UBE2E2: variants seen among roughly 807,000 people sequenced by gnomAD.
The protein encoded by UBE2E2 is ubiquitin-conjugating enzyme E2 E2.
A neutral mutation model predicts 24.7 loss-of-function variants in UBE2E2; 6 were observed. That is an observed-to-expected ratio of 0.24 (90% CI 0.13 to 0.48). The LOEUF is 0.48. UBE2E2 is among the 20% of genes least tolerant of loss of function. The probability of loss-of-function intolerance (pLI) is 0.99; values close to 1 mark genes in which losing one functional copy is unlikely to be tolerated. For synonymous variants in UBE2E2, 104 were observed against 83.6 expected, an observed-to-expected ratio of 1.24 and a Z score of -1.33; for missense variants, 169 against 245.0, an observed-to-expected ratio of 0.69 and a Z score of 2.07.
chr3:23,341,055 A>G (rs1392578756), intron 3 of UBE2E2, among the ~76,000 whole-genome samples: 1 of 152,188 alleles, frequency 6.6e-6, no homozygotes. Context: ...TGAAATGCAG[A>G]CCATGGTTCC....
intron 3 of UBE2E2, among the ~76,000 whole-genome samples, chr3:23,410,682 A>G (rs563008802): frequency 1.3e-5 from 2 of 152,344 alleles, no homozygotes; most frequent in East Asian, 1.9e-4. Flanking sequence ...TAGAAGTAGT[A>G]TGAATCCTGT....
chr3:23,300,676 T>C (rs1457600164), intron 3 of UBE2E2, among the ~76,000 whole-genome samples: 2 of 152,246 alleles, frequency 1.3e-5, no homozygotes, highest in African/African-American at 2.4e-5. Flanking sequence ...TGGGCTTCCC[T>C]TTGTGGGTAA....
Position 23,589,629 on chromosome 3 carries a change from C to T in UBE2E2, c.509-105C>T, listed in dbSNP as rs938407836. 8.6e-7 allele frequency: 1 copy of T among 1,156,500 alleles called. No individual in the cohort carries two copies. The highest frequency in any genetic ancestry group is 1.5e-5 in the South Asian group (1 of 68,912). 71.6% of individuals were successfully genotyped at this position (1,156,500 alleles called of 1,614,324 possible). A position where few individuals can be genotyped will look rare whatever the true frequency, so the allele number is the denominator to read the frequency against. ...GCAGCAATGGTGGTCCAGGTTAGAA[C>T]AGCAGCTTCTCATCTCCTACCCTCC... On this transcript the variant is annotated intron_variant, in intron 5 of 5. Transcript: ENST00000396703. This position sits in a 1 kb window ranked among gnomAD's most constrained non-coding sequence, Gnocchi z 4.1.
chr3:23,328,533 T>G (rs1694969676), intron 3 of UBE2E2, among the ~76,000 whole-genome samples: 1 of 152,232 alleles, frequency 6.6e-6, no homozygotes, highest in African/African-American at 2.4e-5. Context: ...TTTAGTAGGT[T>G]AGGTATATAA....
intron 3 of UBE2E2, among the ~76,000 whole-genome samples, chr3:23,244,342 T>C (rs868342053): frequency 6.6e-6 from 1 of 152,114 alleles, no homozygotes; most frequent in Admixed American, 6.5e-5. Flanking sequence ...AAAGATAGAT[T>C]AGTGTCTAGC....
chr3:23,296,837 CT>C (rs1030414454), intron 3 of UBE2E2, among the ~76,000 whole-genome samples: 1 of 152,216 alleles, frequency 6.6e-6, no homozygotes, highest in Non-Finnish European at 1.5e-5. Context: ...AATGGGATGG[CT>C]GGGTCAAATG....
chr3:23,466,644 T>C (rs999401142), intron 3 of UBE2E2, among the ~76,000 whole-genome samples: 2 of 152,164 alleles, frequency 1.3e-5, no homozygotes, highest in South Asian at 4.1e-4. Flanking sequence ...CTCAGTTCAC[T>C]GCAACCTCCG....
chr3:23,522,403 A>G (rs1032383205), intron 4 of UBE2E2, among the ~76,000 whole-genome samples: 1 of 152,160 alleles, frequency 6.6e-6, no homozygotes, highest in South Asian at 2.1e-4. Flanking sequence ...AAGTGCTGGG[A>G]TTACAGGCGT....
chr3:23,234,040 G>T (rs1324759995), intron 3 of UBE2E2, among the ~76,000 whole-genome samples: 2 of 151,788 alleles, frequency 1.3e-5, no homozygotes, highest in African/African-American at 2.4e-5. Flanking sequence ...ATTATGTATT[G>T]GCCAGATGTA....
At chr3:23,525,702 G>A (rs1266096590) in intron 4 of UBE2E2, among the ~76,000 whole-genome samples, 1 of 152,176 alleles carries the variant, frequency 6.6e-6, no homozygotes, top group African/African-American at 2.4e-5. Flanking sequence ...CAATGGAAGT[G>A]CAGTTTGCTT....
chr3:23,214,851 T>A (rs1696431689), intron 2 of UBE2E2, among the ~76,000 whole-genome samples: 1 of 152,006 alleles, frequency 6.6e-6, no homozygotes, highest in Non-Finnish European at 1.5e-5. Context: ...CCAATTCCAT[T>A]CCCTTGAAGC....
At chr3:23,509,498 C>T (rs13072325) in intron 4 of UBE2E2, among the ~76,000 whole-genome samples, 11,016 of 152,158 alleles carry the variant, frequency 0.072, 518 homozygotes, top group Non-Finnish European at 0.089. Flanking sequence ...GGTCTGAGTT[C>T]ATTTCTGAGA....
intron 5 of UBE2E2, among the ~76,000 whole-genome samples, chr3:23,579,301 C>T (rs922711458): frequency 2.7e-5 from 4 of 150,692 alleles, no homozygotes; most frequent in East Asian, 2.0e-4. Context: ...AGGAGAATGG[C>T]GTGAACCCAG....
chr3:23,560,026 G>T (rs968034011), intron 5 of UBE2E2, among the ~76,000 whole-genome samples: 1 of 151,900 alleles, frequency 6.6e-6, no homozygotes, highest in Admixed American at 6.6e-5. Flanking sequence ...TTATTAATAT[G>T]GGGCTAGAAA....
At chr3:23,224,888 A>C (rs1250706572) in intron 3 of UBE2E2, among the ~76,000 whole-genome samples, 1 of 150,740 alleles carries the variant, frequency 6.6e-6, no homozygotes, top group Non-Finnish European at 1.5e-5. Flanking sequence ...TTATATAGTA[A>C]GTCTGTGTTT....
At chr3:23,337,069 A>G (rs1303888917) in intron 3 of UBE2E2, among the ~76,000 whole-genome samples, 1 of 151,602 alleles carries the variant, frequency 6.6e-6, no homozygotes, top group African/African-American at 2.4e-5. Context: ...GAGCCTGGGA[A>G]GCAGAGATTG....
In UBE2E2 at chr3:23,311,320, G is replaced by A. The variant is rs527910795; in HGVS notation, c.227+94008G>A. 7.7e-4 allele frequency among the ~76,000 whole-genome samples: 118 copies of A among 152,316 alleles called. 1 individual carries two copies. Among genetic ancestry groups the A allele is most frequent in the South Asian group, 2.9e-3 (14 of 4,828 alleles). On this transcript the variant is annotated intron_variant, in intron 3 of 5. Coordinates refer to ENST00000396703, the MANE Select transcript of UBE2E2 (RefSeq NM_152653.4). ...GTGAATAGTGCCGCAATAAACATAC[G>A]TGTGCATGTGTCTTTATAGCAGCAT...
At chr3:23,260,093 C>A (rs1300027520) in intron 3 of UBE2E2, among the ~76,000 whole-genome samples, 2 of 152,134 alleles carry the variant, frequency 1.3e-5, no homozygotes, top group South Asian at 2.1e-4. Context: ...GATGTGTATA[C>A]AACATTGTTG....
intron 3 of UBE2E2, among the ~76,000 whole-genome samples, chr3:23,405,602 A>AG (rs1697337106): frequency 6.6e-6 from 1 of 152,132 alleles, no homozygotes; most frequent in Admixed American, 6.6e-5. Flanking sequence ...GTGAAAAGTG[A>AG]GGGGAGGAGT....
Sources: allele counts gnomAD v4.1 joint callset (sites outside exome capture counted in the v4.1 genomes callset), GRCh38; gene constraint gnomAD v4.1.1; non-coding constraint Gnocchi (gnomAD v3.1); transcripts MANE v1.5; gene names NCBI Gene and HGNC (gene_info 2026-07-23, HGNC 2026-07-21).